Variants in PABPC4L observed in about 807,000 individuals in gnomAD.
PABPC4L encodes polyadenylate-binding protein 4-like.
For synonymous variants in PABPC4L, 169 were observed against 164.1 expected, an observed-to-expected ratio of 1.03 and a Z score of -0.23; for missense variants, 452 against 451.4, an observed-to-expected ratio of 1.00 and a Z score of -0.01.
chr4:133,983,673 C>G, the PABPC4L span, among the ~76,000 whole-genome samples: 5 of 151,760 alleles, frequency 3.3e-5, no homozygotes, highest in East Asian at 9.6e-4. Context: ...TTTCAGATTA[C>G]TAAGTGGATA....
the PABPC4L span, among the ~76,000 whole-genome samples, chr4:134,039,533 AG>A: frequency 3.3e-5 from 5 of 152,104 alleles, no homozygotes. Flanking sequence ...TATTTAGGAT[AG>A]TTAGTTCTTC....
chr4:134,091,187 G>C, the PABPC4L span, among the ~76,000 whole-genome samples: 4 of 151,774 alleles, frequency 2.6e-5, no homozygotes, highest in Non-Finnish European at 4.4e-5. Flanking sequence ...TGTCTTTCAG[G>C]GTTTTTAAAA....
the PABPC4L span, among the ~76,000 whole-genome samples, chr4:133,992,771 T>G: frequency 6.6e-6 from 1 of 152,030 alleles, no homozygotes; most frequent in Non-Finnish European, 1.5e-5. Flanking sequence ...AAGGAACAAA[T>G]TATGTGGAGT....
At chr4:134,047,513 TA>T in the PABPC4L span, among the ~76,000 whole-genome samples, 108 of 152,306 alleles carry the variant, frequency 7.1e-4, no homozygotes, top group Non-Finnish European at 1.3e-3. Flanking sequence ...AAATTACTAT[TA>T]AAATATACAA....
At chr4:134,186,619 G>C in the PABPC4L span, among the ~76,000 whole-genome samples, 2 of 152,062 alleles carry the variant, frequency 1.3e-5, no homozygotes, top group East Asian at 1.9e-4. Context: ...TACCATTCAG[G>C]ACATAGGCAT....
chr4:134,154,654 G>A, the PABPC4L span, among the ~76,000 whole-genome samples: 570 of 151,672 alleles, frequency 3.8e-3, 2 homozygotes, highest in African/African-American at 0.013. Context: ...CCAGTGTTGT[G>A]TGGTTCATCA....
chr4:134,015,216 A>C, the PABPC4L span, among the ~76,000 whole-genome samples: 1 of 152,134 alleles, frequency 6.6e-6, no homozygotes. Flanking sequence ...CTGTTACAGC[A>C]TGGCCTTTTA....
the PABPC4L span, among the ~76,000 whole-genome samples, chr4:133,964,337 CA>C: frequency 2.4e-4 from 36 of 146,984 alleles, no homozygotes; most frequent in African/African-American, 5.2e-4. Context: ...TAAAAATTAC[CA>C]AAAAAAAAAT....
the PABPC4L span, among the ~76,000 whole-genome samples, chr4:134,086,161 T>TA: frequency 9.9e-5 from 15 of 152,044 alleles, no homozygotes; most frequent in Admixed American, 8.5e-4. Context: ...CCTGGTAATG[T>TA]AAGAAGTTGG....
downstream of PABPC4L, among the ~76,000 whole-genome samples, chr4:134,194,324 C>A (rs1355432317): frequency 6.6e-6 from 1 of 151,706 alleles, no homozygotes; most frequent in African/African-American, 2.4e-5. Flanking sequence ...TCTATAATAG[C>A]TCATGTATTG....
At chr4:134,044,046 G>A in the PABPC4L span, among the ~76,000 whole-genome samples, 1 of 151,718 alleles carries the variant, frequency 6.6e-6, no homozygotes, top group Non-Finnish European at 1.5e-5. Context: ...GCACGATGGT[G>A]ACTCTGGTGA....
At chr4:133,988,976 C>T in the PABPC4L span, among the ~76,000 whole-genome samples, 117 of 152,234 alleles carry the variant, frequency 7.7e-4, no homozygotes, top group African/African-American at 2.7e-3. Context: ...GAGCTTGCAC[C>T]CTCTGAAGCA....
chr4:134,190,338 T>G, the PABPC4L span, among the ~76,000 whole-genome samples: 9 of 152,164 alleles, frequency 5.9e-5, no homozygotes, highest in Non-Finnish European at 1.3e-4. Flanking sequence ...GTGGTAACTC[T>G]GAAGCAACTT....
At chr4:133,949,514 T>C in the PABPC4L span, among the ~76,000 whole-genome samples, 1 of 152,194 alleles carries the variant, frequency 6.6e-6, no homozygotes, top group Non-Finnish European at 1.5e-5. Context: ...TCTAGGTTTT[T>C]CTCAGAGTTA....
chr4:134,076,585 A>G, the PABPC4L span, among the ~76,000 whole-genome samples: 3 of 152,252 alleles, frequency 2.0e-5, no homozygotes, highest in African/African-American at 7.2e-5. Context: ...ATGAGTAACT[A>G]GTGGTACCAT....
At chr4:134,157,963 C>T in the PABPC4L span, among the ~76,000 whole-genome samples, 1 of 151,676 alleles carries the variant, frequency 6.6e-6, no homozygotes, top group Non-Finnish European at 1.5e-5. Flanking sequence ...TGTTCTCTCT[C>T]TCCTCATATA....
chr4:134,086,679 C>G, the PABPC4L span, among the ~76,000 whole-genome samples: 1 of 151,656 alleles, frequency 6.6e-6, no homozygotes, highest in East Asian at 1.9e-4. Context: ...TATGTGGCAC[C>G]TCCAGGAATC....
the PABPC4L span, among the ~76,000 whole-genome samples, chr4:134,155,357 C>T: frequency 6.6e-6 from 1 of 150,734 alleles, no homozygotes; most frequent in Non-Finnish European, 1.5e-5. Context: ...CTTTCTCTCC[C>T]CCAACACACA....
the PABPC4L span, among the ~76,000 whole-genome samples, chr4:134,016,734 C>A: frequency 1.3e-5 from 2 of 152,136 alleles, no homozygotes; most frequent in Non-Finnish European, 2.9e-5. Context: ...AAGCTGCTAG[C>A]CCGTCTCTTA....
Sources: gnomAD v4.1 joint callset for allele counts (sites outside exome capture counted in the v4.1 genomes callset) on GRCh38, gnomAD v4.1.1 for gene constraint, MANE v1.5 for transcripts, NCBI Gene and HGNC (gene_info 2026-07-23, HGNC 2026-07-21) for gene names.